CROCC2: variants seen among roughly 807,000 people sequenced by gnomAD.
CROCC2 encodes the protein ciliary rootlet coiled-coil protein 2.
In CROCC2, 163 loss-of-function variants were observed where a neutral mutation model predicts 177.6. That is an observed-to-expected ratio of 0.92 (90% CI 0.81 to 1.05). The LOEUF (loss-of-function observed/expected upper bound fraction) is 1.05, where lower values mean the gene tolerates loss of function less well. Among genes scored for constraint, CROCC2 ranks in the 50% least tolerant of loss-of-function variants. The pLI, the probability that CROCC2 is intolerant of heterozygous loss-of-function variation, is 0.00. For synonymous variants in CROCC2, 904 were observed against 787.3 expected (o/e 1.15, Z -2.48); for missense variants, 1,929 against 1,797.8 (o/e 1.07, Z -1.32).
intron 4 of CROCC2, among the ~76,000 whole-genome samples, chr2:240,923,470 G>GT (rs2059370981): frequency 3.0e-5 from 1 of 33,840 alleles, no homozygotes. Flanking sequence ...CACTAACCCA[G>GT]CCCCCCACAC....
At chr2:240,926,397 A>C (rs560173838) in intron 5 of CROCC2, among the ~76,000 whole-genome samples, 84 of 152,190 alleles carry the variant, frequency 5.5e-4, no homozygotes, top group South Asian at 2.1e-3. Context: ...CCAGGTGTTC[A>C]TGCCCTGCTC....
At position 240,987,941 on chromosome 2, in the gene CROCC2, G is replaced by T. The variant is rs559875815; in HGVS notation, c.4552-798G>T. ...CAACTCCCCATGAGGCATGCCCCAG[G>T]CCATCTGGGGGTGCTGGAAGCAGGC... On this transcript the variant is annotated intron_variant, in intron 28 of 31. Coordinates refer to ENST00000690015, the MANE Select transcript of CROCC2 (RefSeq NM_001351305.2). Among the ~76,000 whole-genome samples, 84 of 152,356 alleles carry T rather than the reference G, an allele frequency of 5.5e-4. 1 individual carries two copies. Among genetic ancestry groups the T allele is most frequent in the African/African-American group, 1.9e-3 (81 of 41,588 alleles).
At chr2:240,975,670 G>A (rs969524555) in intron 27 of CROCC2, among the ~76,000 whole-genome samples, 1 of 143,296 alleles carries the variant, frequency 7.0e-6, no homozygotes, top group Admixed American at 7.0e-5. Context: ...CCCTTCATTT[G>A]TAACAGCTTC....
At chr2:240,976,085 C>G (rs1446091476) in intron 27 of CROCC2, among the ~76,000 whole-genome samples, 1 of 152,256 alleles carries the variant, frequency 6.6e-6, no homozygotes, top group Admixed American at 6.5e-5. Context: ...TACCCATGCC[C>G]CAGATGGGGA....
chr2:240,926,418 A>G (rs1343261788), intron 5 of CROCC2, among the ~76,000 whole-genome samples: 4 of 152,070 alleles, frequency 2.6e-5, no homozygotes, highest in African/African-American at 4.8e-5. Context: ...GGATCTCTCC[A>G]TGGTCGTGGG....
Position 240,972,485 on chromosome 2 carries a change from T to C in CROCC2, c.4401+4223T>C, listed in dbSNP as rs539078904. ...ACCCTCTTCCCTGAGGTCCTGGTAG[T>C]ACAGAGTTGCCTCCCCAACACCCCT... is the stretch of plus-strand genomic sequence containing the variant. On this transcript the variant is annotated intron_variant, in intron 27 of 31. Coordinates refer to ENST00000690015, the MANE Select transcript of CROCC2 (RefSeq NM_001351305.2). This position sits in a 1 kb window ranked among gnomAD's most constrained non-coding sequence, Gnocchi z 7.1. Among the ~76,000 whole-genome samples the C allele has an allele frequency of 1.3e-5, 2 of 152,156 alleles. No homozygotes were observed. Among genetic ancestry groups the C allele is most frequent in the East Asian group, 3.9e-4 (2 of 5,160 alleles).
chr2:240,958,248 C>A lies in CROCC2; in HGVS notation c.2944-1053C>A. ...CCCAGCCGATGCCCTGTCCCTGAGG[C>A]CCTCACAGGGGTATCCTGCAGCCAG... is the stretch of plus-strand genomic sequence containing the variant. On this transcript the variant is annotated intron_variant, in intron 19 of 31. Transcript: ENST00000690015. The surrounding 1 kb of genome is among the most constrained non-coding windows in gnomAD (Gnocchi z 6.7). 1.1e-6 allele frequency: 1 copy of A among 935,972 alleles called. No homozygotes were observed. The highest frequency in any genetic ancestry group is 1.3e-6 in the Non-Finnish European group (1 of 784,670). The allele number at this position is 935,972 out of a possible 1,614,324, so 58.0% of individuals were successfully genotyped here. A position where few individuals can be genotyped will look rare whatever the true frequency, so the allele number is the denominator to read the frequency against.
chr2:240,989,701 C>G lies in CROCC2; in HGVS notation c.4731C>G (p.Asp1577Glu), dbSNP rs574541659. The G allele has an allele frequency of 6.5e-7, 1 of 1,550,178 alleles. No individual in the cohort carries two copies. Among genetic ancestry groups the G allele is most frequent in the African/African-American group, 1.4e-5 (1 of 73,192 alleles). ...MEQAHTQRLQ[D>E]LTAQHQRDLA... ...AGGCCCACACCCAGCGGCTCCAGGA[C>G]CTGACAGCTCAGCACCAGCGGGACC... Residue 1577 changes from aspartate to glutamate, a missense_variant, in exon 30 of 32, where the codon GAC (aspartate) becomes GAG (glutamate). Transcript: ENST00000690015.
rs11896141 is a variant in CROCC2 at position 240,968,396 on chromosome 2, G to A, written c.4401+134G>A. ...TCTGCAAGGGCTTCTGTGGGTGTTC[G>A]GGGCTGGAGCCAGCCCGGTGGGGCC... On this transcript the variant is annotated intron_variant, in intron 27 of 31. Transcript: ENST00000690015. 0.015 allele frequency: 17,934 copies of A among 1,225,030 alleles called. 955 individuals carry two copies. In the African/African-American group the frequency reaches 0.16, roughly 11 times the overall value. The allele number at this position is 1,225,030 out of a possible 1,614,324, so 75.9% of individuals were successfully genotyped here.
intron 5 of CROCC2, among the ~76,000 whole-genome samples, chr2:240,929,484 G>A (rs1158927242): frequency 6.6e-6 from 1 of 152,048 alleles, no homozygotes; most frequent in Non-Finnish European, 1.5e-5. Context: ...GAACCACTGT[G>A]CACACACAAT....
intron 27 of CROCC2, among the ~76,000 whole-genome samples, chr2:240,978,087 C>T (rs2059776923): frequency 2.4e-5 from 2 of 82,840 alleles, no homozygotes; most frequent in East Asian, 6.1e-4. Flanking sequence ...CCTGCTCAGG[C>T]TCTGGGGTAG....
chr2:240,914,915 C>T (rs2059310253), intron 1 of CROCC2, among the ~76,000 whole-genome samples: 1 of 152,224 alleles, frequency 6.6e-6, no homozygotes, highest in Admixed American at 6.5e-5. Context: ...TCTTCTGACC[C>T]CTGACAGCAT....
Position 240,918,715 on chromosome 2 carries a change from G to T in CROCC2, c.79-11G>T. 1 of 557,022 alleles carries T rather than the reference G, an allele frequency of 1.8e-6. No individual in the cohort carries two copies. The allele number at this position is 557,022 out of a possible 1,614,324, so 34.5% of individuals were successfully genotyped here. On this transcript the variant is annotated splice_polypyrimidine_tract_variant and intron_variant, in intron 1 of 31. Coordinates refer to ENST00000690015, the MANE Select transcript of CROCC2 (RefSeq NM_001351305.2). This position sits in a 1 kb window ranked among gnomAD's most constrained non-coding sequence, Gnocchi z 6.3. Reference sequence around the variant, plus strand: ...CTGCCATCTCCAGGTATCTCTGGGGGTGTCTTTCAGAGACTGGAGGACACC... The same window carrying T: ...CTGCCATCTCCAGGTATCTCTGGGGTTGTCTTTCAGAGACTGGAGGACACC...
At chr2:240,912,314 A>G (rs754580544) in intron 1 of CROCC2, among the ~76,000 whole-genome samples, 7 of 152,062 alleles carry the variant, frequency 4.6e-5, no homozygotes, top group Non-Finnish European at 1.0e-4. Flanking sequence ...CAGTTTAAGG[A>G]CTCAGTCCCA....
chr2:240,929,942 G>C (rs940676628), intron 5 of CROCC2, among the ~76,000 whole-genome samples: 2 of 152,222 alleles, frequency 1.3e-5, no homozygotes, highest in African/African-American at 4.8e-5. Context: ...GGGAGGGCTG[G>C]ATGTGGTCAC....
intron 3 of CROCC2, among the ~76,000 whole-genome samples, chr2:240,921,458 T>C (rs1186086987): frequency 6.6e-6 from 1 of 152,164 alleles, no homozygotes; most frequent in Non-Finnish European, 1.5e-5. Flanking sequence ...GGAGGCATCT[T>C]CCTAGCACAG....
intron 30 of CROCC2, 39 bp from the exon 31 acceptor site, chr2:240,991,157 A>G: frequency 1.4e-6 from 2 of 1,479,090 alleles, no homozygotes; most frequent in South Asian, 2.7e-5. Context: ...CTGGCCGTGC[A>G]GCCTGCCCAC....
intron 28 of CROCC2, chr2:240,983,400 G>A: frequency 7.8e-7 from 1 of 1,287,306 alleles, no homozygotes; most frequent in South Asian, 1.2e-5. Context: ...CCAATCCCTG[G>A]CCCACGCCCA....
Position 240,930,214 on chromosome 2 carries a change from A to G in CROCC2, c.694A>G (p.Arg232Gly). 1.7e-6 allele frequency: 1 copy of G among 597,624 alleles called. No individual in the cohort carries two copies. Among genetic ancestry groups the G allele is most frequent in the South Asian group, 2.1e-5 (1 of 47,516 alleles). The allele number at this position is 597,624 out of a possible 1,614,324, so 37.0% of individuals were successfully genotyped here. Residue 232 changes from arginine to glycine, a missense_variant, in exon 6 of 32, where the codon AGA becomes GGA. Physicochemically the swap from Arg to Gly is moderately radical, Grantham distance 125. Transcript: ENST00000690015. ...GCCCCGGGACCTCCTCCTCCTGTGG[A>G]GACAGGCCGTGGTGCTGGGGACAGA... ...GQPRDLLLLW[R>G]QAVVLGTDLA...
Sources: allele counts gnomAD v4.1 joint callset (sites outside exome capture counted in the v4.1 genomes callset), GRCh38; gene constraint gnomAD v4.1.1; non-coding constraint Gnocchi (gnomAD v3.1); transcripts MANE v1.5; gene names NCBI Gene and HGNC (gene_info 2026-07-23, HGNC 2026-07-21).